The following CFH variants were observed in gnomAD, a reference collection of about 807,000 sequenced individuals.
CFH encodes complement factor H.
CFH carries 53 observed loss-of-function variants against 147.3 expected under a neutral mutation model. The observed-to-expected ratio is 0.36, with a 90% confidence interval of 0.29 to 0.45. The LOEUF is 0.45. Ranked by LOEUF, CFH falls within the 20% of genes least tolerant of loss-of-function variation. The pLI, the probability that CFH is intolerant of heterozygous loss-of-function variation, is 1.00. For synonymous variants in CFH, 536 were observed against 489.4 expected (o/e 1.10, Z -1.26); for missense variants, 1,380 against 1,498.0 (o/e 0.92, Z 1.30).
chr1:196,734,140 T>G (rs1037909309), intron 15 of CFH, among the ~76,000 whole-genome samples: 2 of 152,106 alleles, frequency 1.3e-5, no homozygotes, highest in Non-Finnish European at 2.9e-5. Context: ...TTTTTGAGAT[T>G]CCTTTTCTAA....
intron 9 of CFH, among the ~76,000 whole-genome samples, chr1:196,696,694 C>CA (rs1668285176): frequency 6.6e-6 from 1 of 152,158 alleles, no homozygotes; most frequent in Admixed American, 6.5e-5. Context: ...CCCGCATTGC[C>CA]AAGTCAATCC....
intron 15 of CFH, among the ~76,000 whole-genome samples, chr1:196,731,943 G>T (rs961990886): frequency 6.6e-6 from 1 of 151,716 alleles, no homozygotes; most frequent in African/African-American, 2.4e-5. Context: ...TTGATAATTT[G>T]ATTGTGTTAT....
chr1:196,744,894 C>T (rs1450504133), intron 20 of CFH, among the ~76,000 whole-genome samples: 1 of 151,954 alleles, frequency 6.6e-6, no homozygotes, highest in Non-Finnish European at 1.5e-5. Flanking sequence ...AGACAAATTC[C>T]CTTGGTATCC....
intron 1 of CFH, among the ~76,000 whole-genome samples, chr1:196,658,772 G>T (rs1466811327): frequency 6.6e-6 from 1 of 151,882 alleles, no homozygotes; most frequent in Admixed American, 6.6e-5. Context: ...GTTTCACCAC[G>T]TTGCCCAGGC....
At chr1:196,736,242 A>G (rs1669398945) in intron 15 of CFH, among the ~76,000 whole-genome samples, 1 of 152,104 alleles carries the variant, frequency 6.6e-6, no homozygotes, top group Non-Finnish European at 1.5e-5. Context: ...CAGGTAAGCT[A>G]GTAAATAAAA....
At chr1:196,740,365 T>C (rs1236858071) in intron 17 of CFH, among the ~76,000 whole-genome samples, 1 of 152,202 alleles carries the variant, frequency 6.6e-6, no homozygotes, top group Non-Finnish European at 1.5e-5. Flanking sequence ...AGAGGCATTG[T>C]TTACCAGGCA....
chr1:196,699,730 A>C (rs543206913), intron 9 of CFH, among the ~76,000 whole-genome samples: 4 of 152,300 alleles, frequency 2.6e-5, no homozygotes, highest in Admixed American at 6.5e-5. Flanking sequence ...TTCCAGTATC[A>C]CTTGTTTAAA....
At chr1:196,688,793 T>G (rs1460588124) in intron 7 of CFH, among the ~76,000 whole-genome samples, 1 of 152,030 alleles carries the variant, frequency 6.6e-6, no homozygotes, top group African/African-American at 2.4e-5. Context: ...TTTGTATTTT[T>G]AGTAGAGACG....
At chr1:196,689,838 T>G (rs1162878024) in intron 8 of CFH, among the ~76,000 whole-genome samples, 7 of 152,064 alleles carry the variant, frequency 4.6e-5, no homozygotes, top group Non-Finnish European at 8.8e-5. Flanking sequence ...CTATATAATT[T>G]ATACATCTAT....
At chr1:196,661,755 T>A (rs1320766017) in intron 1 of CFH, among the ~76,000 whole-genome samples, 1 of 152,208 alleles carries the variant, frequency 6.6e-6, no homozygotes, top group Non-Finnish European at 1.5e-5. Flanking sequence ...TACTAAAGTC[T>A]AATAATAATT....
intron 4 of CFH, chr1:196,677,070 A>G: frequency 6.1e-6 from 1 of 164,834 alleles, no homozygotes. Context: ...TGGAAAATTA[A>G]CGATGATTTC....
At chr1:196,741,640 G>A (rs1486365689) in intron 18 of CFH, 14 of 497,988 alleles carry the variant, frequency 2.8e-5, no homozygotes, top group Admixed American at 2.7e-4. Context: ...CAATTGCTAC[G>A]GCTACCAATA....
chr1:196,719,976 T>C (rs1236562842), intron 11 of CFH, among the ~76,000 whole-genome samples: 1 of 151,766 alleles, frequency 6.6e-6, no homozygotes, highest in Non-Finnish European at 1.5e-5. Flanking sequence ...TTCTTTTTCC[T>C]TGATTACATT....
rs376503207 is a variant in CFH at position 196,656,172 on chromosome 1, C to T, written c.58+3997C>T. 1.5e-4 allele frequency among the ~76,000 whole-genome samples: 23 copies of T among 151,912 alleles called. No homozygotes were observed. In the East Asian group the frequency reaches 2.7e-3, roughly 18 times the overall value. On this transcript the variant is annotated intron_variant, in intron 1 of 21. Coordinates refer to ENST00000367429, the MANE Select transcript of CFH (RefSeq NM_000186.4). ...TACAAAAATTAGCCAGGCGTGGTGG[C>T]GCGTGCCTGTAATCTCAGCTACTCA... is the stretch of plus-strand genomic sequence containing the variant.
intron 9 of CFH, among the ~76,000 whole-genome samples, chr1:196,696,535 A>G (rs546780300): frequency 6.6e-6 from 1 of 152,120 alleles, no homozygotes; most frequent in Non-Finnish European, 1.5e-5. Context: ...ACACCCTAAC[A>G]CCTCAATTAA....
At chr1:196,663,962 C>T (rs1558150621) in intron 1 of CFH, among the ~76,000 whole-genome samples, 1 of 152,168 alleles carries the variant, frequency 6.6e-6, no homozygotes, top group Non-Finnish European at 1.5e-5. Flanking sequence ...TTTCTGGGTT[C>T]TGATTATACC....
In CFH at chr1:196,714,872, C is replaced by T. The variant is rs181326257; in HGVS notation, c.1520-721C>T. On this transcript the variant is annotated intron_variant, in intron 10 of 21. Transcript: ENST00000367429. ...CCCTCCATCATGCCTGCCTAATTTT[C>T]GTATTTTTAATAGAGACAGGGTTTT... Among the ~76,000 whole-genome samples the T allele has an allele frequency of 7.4e-4, 112 of 150,416 alleles. 1 individual carries two copies. Among genetic ancestry groups the T allele is most frequent in the African/African-American group, 2.6e-3 (107 of 41,074 alleles).
intron 11 of CFH, among the ~76,000 whole-genome samples, chr1:196,722,411 A>G (rs1402265646): frequency 6.6e-6 from 1 of 152,164 alleles, no homozygotes; most frequent in East Asian, 1.9e-4. Context: ...TGAAAATAGG[A>G]CACCAATATC....
At chr1:196,684,827 A>T (rs547195947) in intron 6 of CFH, among the ~76,000 whole-genome samples, 2 of 152,042 alleles carry the variant, frequency 1.3e-5, no homozygotes, top group Non-Finnish European at 2.9e-5. Flanking sequence ...GAAGTATGGG[A>T]TGACTTTGGA....
Sources: gnomAD v4.1 joint callset for allele counts (sites outside exome capture counted in the v4.1 genomes callset) on GRCh38, gnomAD v4.1.1 for gene constraint, MANE v1.5 for transcripts, NCBI Gene and HGNC (gene_info 2026-07-23, HGNC 2026-07-21) for gene names.